KANK4: variants seen among roughly 807,000 people sequenced by gnomAD.
The protein encoded by KANK4 is KN motif and ankyrin repeat domain-containing protein 4.
Under a neutral mutation model 80.8 loss-of-function variants are expected in KANK4, and 50 were observed. The observed-to-expected ratio is 0.62, with a 90% CI of 0.49 to 0.78. The LOEUF is 0.78. Ranked by LOEUF, KANK4 falls within the 30% of genes least tolerant of loss-of-function variation. KANK4 has a pLI of 0.00. For synonymous variants in KANK4, 465 were observed against 506.9 expected, an observed-to-expected ratio of 0.92 and a Z score of 1.11; for missense variants, 1,196 against 1,240.1, an observed-to-expected ratio of 0.96 and a Z score of 0.53.
rs1022948538 is a variant in KANK4 at position 62,274,851 on chromosome 1, C to A, written c.253G>T (p.Ala85Ser). Residue 85 changes from alanine to serine, a missense_variant, in exon 3 of 10, where the codon GCC becomes TCC. Physicochemically the swap from Ala to Ser is moderately conservative, Grantham distance 99. This residue lies in a region of KANK4 where 1,154 missense variants were observed against 1,179.6 expected (regional missense o/e 0.98). Transcript: ENST00000371153. ...GGAGACCAGTTTTGGAGGGGCGGGG[C>A]TGCAGGGGGGCGAGCCCCACTGTCA... ...LPDSGARPPAAPPLQNWSPVV... is the reference protein window; with the variant it reads ...LPDSGARPPASPPLQNWSPVV... The A allele has an allele frequency of 1.9e-6, 3 of 1,613,936 alleles. No homozygotes were observed. The African/African-American group carries it at 4.0e-5, about 22-fold the overall frequency.
chr1:62,308,406 G>T (rs1344686406), intron 1 of KANK4, among the ~76,000 whole-genome samples: 2 of 152,202 alleles, frequency 1.3e-5, no homozygotes, highest in Admixed American at 6.5e-5. Context: ...AGAGAGCCCT[G>T]AAGTGAGTCT....
Position 62,290,333 on chromosome 1 carries a change from C to G in KANK4, c.-70-8699G>C, listed in dbSNP as rs746820855. ...AATGCTACCACAGCAGCCAGCCTGA[C>G]AGACGGTCCTCACTCAGGTCTCCAG... On this transcript the variant is annotated intron_variant, in intron 1 of 9. Coordinates refer to ENST00000371153, the MANE Select transcript of KANK4 (RefSeq NM_181712.5). 5.1e-4 allele frequency among the ~76,000 whole-genome samples: 78 copies of G among 152,308 alleles called. 1 individual carries two copies. The highest frequency in any genetic ancestry group is 1.2e-3 in the South Asian group (6 of 4,828).
intron 9 of KANK4, 113 bp downstream of exon 9, chr1:62,247,359 C>T (rs1346971136): frequency 1.7e-5 from 15 of 874,082 alleles, no homozygotes; most frequent in East Asian, 1.3e-4. Context: ...AGGCTGGTCT[C>T]GAACTCCTGG....
At chr1:62,271,697 G>A (rs1557486842) in intron 3 of KANK4, 108 bp from the exon 4 acceptor site, 1 of 798,470 alleles carries the variant, frequency 1.3e-6, no homozygotes, top group South Asian at 1.4e-5. Context: ...GTGTGGAGAG[G>A]TAAGGAGGGA....
At chr1:62,288,879 C>A (rs1424742143) in intron 1 of KANK4, among the ~76,000 whole-genome samples, 2 of 152,090 alleles carry the variant, frequency 1.3e-5, no homozygotes, top group Non-Finnish European at 2.9e-5. Flanking sequence ...GTGGTATGAG[C>A]AGGCAATTCA....
intron 1 of KANK4, among the ~76,000 whole-genome samples, chr1:62,304,612 C>A: frequency 6.6e-6 from 1 of 151,828 alleles, no homozygotes. Context: ...CCATCCTCTT[C>A]GCTTGCTCCC....
At chr1:62,238,429 C>G (rs373930045) in intron 9 of KANK4, 48 bp from the exon 10 acceptor site, 19 of 1,556,340 alleles carry the variant, frequency 1.2e-5, no homozygotes, top group African/African-American at 2.7e-5. Context: ...CAATCTGCCT[C>G]CTGCCTGGGG....
At position 62,240,020 on chromosome 1, in the gene KANK4, G is replaced by T. The variant is rs964365811; in HGVS notation, c.2884-1639C>A. On this transcript the variant is annotated intron_variant, in intron 9 of 9. Coordinates refer to ENST00000371153, the MANE Select transcript of KANK4 (RefSeq NM_181712.5). ...AGCAGCATGATTTATAGTCCTTTGGGTATATACCCAGTAATGGGATGGGTG... is the reference window on the plus strand; with the variant it reads ...AGCAGCATGATTTATAGTCCTTTGGTTATATACCCAGTAATGGGATGGGTG... 2.0e-5 allele frequency among the ~76,000 whole-genome samples: 3 copies of T among 152,268 alleles called. 1 individual carries two copies. Among genetic ancestry groups the T allele is most frequent in the African/African-American group, 7.2e-5 (3 of 41,550 alleles).
At chr1:62,249,982 T>A (rs1477342412) in intron 8 of KANK4, among the ~76,000 whole-genome samples, 1 of 151,470 alleles carries the variant, frequency 6.6e-6, no homozygotes, top group Admixed American at 6.6e-5. Context: ...TGTGTGTATA[T>A]TTCTTTTCTT....
chr1:62,295,302 C>T (rs1232054449), intron 1 of KANK4, among the ~76,000 whole-genome samples: 3 of 152,142 alleles, frequency 2.0e-5, no homozygotes, highest in Admixed American at 6.6e-5. Context: ...CCACAAAGCC[C>T]GGCTAATTTT....
In KANK4 at chr1:62,274,297, A is replaced by G; in HGVS notation, c.807T>C (p.Asn269=). The part of the protein sequence containing the change: ...VVLEDKEDEH[N]AREAEVLFTP... ...TGAACAACACCTCTGCTTCTCTGGC[A>G]TTGTGTTCATCTTCCTTGTCCTCTA... Residue 269 remains asparagine (N), a synonymous_variant, in exon 3 of 10, where the codon AAT becomes AAC. Coordinates refer to ENST00000371153, the MANE Select transcript of KANK4 (RefSeq NM_181712.5). 1.2e-6 allele frequency: 2 copies of G among 1,614,130 alleles called. No homozygotes were observed. The highest frequency in any genetic ancestry group is 2.2e-5 in the East Asian group (1 of 44,872).
At chr1:62,315,908 G>A (rs1262110956) in intron 1 of KANK4, among the ~76,000 whole-genome samples, 1 of 152,186 alleles carries the variant, frequency 6.6e-6, no homozygotes, top group African/African-American at 2.4e-5. Context: ...ATACTCCATG[G>A]CCCTGTCTTG....
intron 9 of KANK4, 131 bp downstream of exon 9, chr1:62,247,341 T>G (rs1478917972): frequency 4.3e-6 from 3 of 699,322 alleles, no homozygotes; most frequent in Non-Finnish European, 4.9e-6. Context: ...GGTCTCCCTA[T>G]GTTGCCTAGG....
Position 62,237,294 on chromosome 1 carries a change from C to T in KANK4, c.*983G>A, listed in dbSNP as rs1046026101. The T allele has an allele frequency of 7.2e-5, 11 of 152,024 alleles. No homozygotes were observed. Among genetic ancestry groups the T allele is most frequent in the African/African-American group, 2.7e-4 (11 of 41,368 alleles). The allele number at this position is 152,024 out of a possible 1,614,324, so 9.4% of individuals were successfully genotyped here. ...CTCTGCCCTGCCTGGGTCCCTTGCT[C>T]CTATTGCAGCCAGAAGTCCCAAAAA... On this transcript the variant is annotated 3_prime_UTR_variant, in exon 10 of 10. Transcript: ENST00000371153.
chr1:62,301,518 C>A (rs6675508), intron 1 of KANK4, among the ~76,000 whole-genome samples: 1 of 151,678 alleles, frequency 6.6e-6, no homozygotes, highest in Non-Finnish European at 1.5e-5. Context: ...ATGAAAACAG[C>A]GTAGCCTGGG....
chr1:62,294,187 T>A (rs1394853737), intron 1 of KANK4, among the ~76,000 whole-genome samples: 1 of 152,254 alleles, frequency 6.6e-6, no homozygotes, highest in Non-Finnish European at 1.5e-5. Context: ...TACTACCAAA[T>A]TCTCTCCCAC....
intron 8 of KANK4, among the ~76,000 whole-genome samples, chr1:62,250,757 T>G (rs1290650339): frequency 6.6e-6 from 1 of 152,204 alleles, no homozygotes; most frequent in African/African-American, 2.4e-5. Context: ...AAATGAAACA[T>G]TAGCTGTATT....
intron 1 of KANK4, among the ~76,000 whole-genome samples, chr1:62,305,284 T>C (rs1331041802): frequency 6.6e-6 from 1 of 151,412 alleles, no homozygotes; most frequent in Non-Finnish European, 1.5e-5. Context: ...AAAACCCGAA[T>C]GCAGCTGTTG....
rs200309306 is a variant in KANK4 at position 62,268,439 on chromosome 1, G to C, written c.2079C>G (p.Ser693Arg). 1 of 1,613,792 alleles carries C rather than the reference G, an allele frequency of 6.2e-7. No individual in the cohort carries two copies. Among genetic ancestry groups the C allele is most frequent in the African/African-American group, 1.3e-5 (1 of 75,034 alleles). Residue 693 changes from serine to arginine, a missense_variant, in exon 5 of 10, where the codon AGC becomes AGG. By Grantham distance (110) the Ser-to-Arg change is moderately radical. Transcript: ENST00000371153. ...EDSTPEDLSDSEAEKKCDGPD... is the reference protein window; with the variant it reads ...EDSTPEDLSDREAEKKCDGPD... The stretch of plus-strand genomic sequence containing the variant: ...GGCCGTCACACTTCTTCTCTGCCTC[G>C]CTGTCAGACAAGTCCTCTGGGGTGC...
Sources: gnomAD v4.1 joint callset for allele counts (sites outside exome capture counted in the v4.1 genomes callset) on GRCh38, gnomAD v4.1.1 for gene constraint, gnomAD v4.1.1 regional missense constraint, MANE v1.5 for transcripts, NCBI Gene and HGNC (gene_info 2026-07-23, HGNC 2026-07-21) for gene names.